The following CSMD2 variants were observed in gnomAD, a reference collection of about 807,000 sequenced individuals.
The protein encoded by CSMD2 is CUB and Sushi multiple domains 2.
In CSMD2, 130 loss-of-function variants were observed where a neutral mutation model predicts 398.5. That is an observed-to-expected ratio of 0.33 (90% CI 0.28 to 0.38). The LOEUF (loss-of-function observed/expected upper bound fraction) is 0.38. Among genes scored for constraint, CSMD2 ranks in the 10% least tolerant of loss-of-function variants. The pLI, the probability that CSMD2 is intolerant of heterozygous loss-of-function variation, is 1.00. For synonymous variants in CSMD2, 1,828 were observed against 1,908.5 expected, an observed-to-expected ratio of 0.96 and a Z score of 1.10; for missense variants, 3,829 against 4,764.9, an observed-to-expected ratio of 0.80 and a Z score of 5.78.
At chr1:33,955,088 C>T (rs751714019) in intron 3 of CSMD2, among the ~76,000 whole-genome samples, 4 of 152,136 alleles carry the variant, frequency 2.6e-5, no homozygotes, top group Non-Finnish European at 4.4e-5. Context: ...GAAGAGAGGA[C>T]GATCCCGAGT....
chr1:33,547,414 A>T (rs1014304441), intron 56 of CSMD2, among the ~76,000 whole-genome samples: 5 of 152,216 alleles, frequency 3.3e-5, no homozygotes, highest in African/African-American at 1.2e-4. Context: ...TAAAGTTACA[A>T]CTATCATGGA....
At chr1:34,025,969 A>C (rs1649597074) in intron 3 of CSMD2, among the ~76,000 whole-genome samples, 1 of 152,182 alleles carries the variant, frequency 6.6e-6, no homozygotes, top group Non-Finnish European at 1.5e-5. Context: ...TATGAAGTTG[A>C]CATATTCCTT....
intron 44 of CSMD2, among the ~76,000 whole-genome samples, chr1:33,589,777 C>A (rs1639307655): frequency 6.6e-6 from 1 of 152,192 alleles, no homozygotes; most frequent in Admixed American, 6.5e-5. Flanking sequence ...GAAAGACTTT[C>A]TTTGCCCCTA....
chr1:33,732,439 C>G (rs1646750613), intron 15 of CSMD2, among the ~76,000 whole-genome samples: 1 of 152,064 alleles, frequency 6.6e-6, no homozygotes, highest in South Asian at 2.1e-4. Context: ...GAGCCCTAGT[C>G]CAGTAGGACT....
chr1:34,076,922 AAAAAAAATATATATATAT>A (rs1487859845), intron 2 of CSMD2, among the ~76,000 whole-genome samples: 1 of 107,182 alleles, frequency 9.3e-6, no homozygotes, highest in African/African-American at 4.3e-5. Context: ...AAAAAAAAAA[AAAAAAAATATATATATAT>A]ATATATATAT....
intron 5 of CSMD2, among the ~76,000 whole-genome samples, chr1:33,874,555 G>A (rs567567223): frequency 2.0e-5 from 3 of 152,312 alleles, no homozygotes; most frequent in African/African-American, 7.2e-5. Flanking sequence ...GGGCCAGAAG[G>A]CCTCCTGGGC....
At chr1:33,807,890 T>A (rs1297047755) in intron 10 of CSMD2, among the ~76,000 whole-genome samples, 1 of 151,978 alleles carries the variant, frequency 6.6e-6, no homozygotes, top group African/African-American at 2.4e-5. Context: ...AAAACACATA[T>A]AAAGCACAAG....
At chr1:33,806,319 G>A (rs558564064) in intron 10 of CSMD2, among the ~76,000 whole-genome samples, 1 of 152,106 alleles carries the variant, frequency 6.6e-6, no homozygotes, top group Non-Finnish European at 1.5e-5. Flanking sequence ...TTTTCACATG[G>A]GTTTGCAGCC....
At chr1:33,524,774 A>C in intron 66 of CSMD2, 108 bp downstream of exon 66, 2 of 1,113,770 alleles carry the variant, frequency 1.8e-6, no homozygotes, top group Non-Finnish European at 2.5e-6. Context: ...ACCACCAGAC[A>C]AGTCTGAGCC....
chr1:34,021,933 T>A (rs918102599), intron 3 of CSMD2, among the ~76,000 whole-genome samples: 5 of 152,204 alleles, frequency 3.3e-5, no homozygotes, highest in African/African-American at 7.2e-5. Flanking sequence ...TTAGGATGTG[T>A]CTTATAGTCA....
chr1:33,846,496 C>T lies in CSMD2; in HGVS notation c.1033+388G>A, dbSNP rs375263031. Among the ~76,000 whole-genome samples the T allele has an allele frequency of 6.6e-5, 10 of 152,326 alleles. No individual in the cohort carries two copies. The East Asian group carries it at 1.9e-3, about 29-fold the overall frequency. Reference sequence around the variant, plus strand: ...GCCTTGGGAAATTGGCTTAACCTCTCTGGGCCTTAGCTTCCTTGTCCATAA... The same window carrying T: ...GCCTTGGGAAATTGGCTTAACCTCTTTGGGCCTTAGCTTCCTTGTCCATAA... On this transcript the variant is annotated intron_variant, in intron 6 of 70. Transcript: ENST00000373381.
chr1:33,651,796 T>C (rs1220303728), intron 28 of CSMD2, among the ~76,000 whole-genome samples: 1 of 152,064 alleles, frequency 6.6e-6, no homozygotes, highest in East Asian at 1.9e-4. Context: ...AGTAGAACCA[T>C]GGAGGCAGAA....
chr1:34,134,652 T>A (rs1244841327), intron 1 of CSMD2, among the ~76,000 whole-genome samples: 1 of 152,124 alleles, frequency 6.6e-6, no homozygotes, highest in Non-Finnish European at 1.5e-5. Context: ...AGGTCCAAAC[T>A]GCAAAAAAGA....
At chr1:33,998,765 A>G (rs1423136957) in intron 3 of CSMD2, among the ~76,000 whole-genome samples, 2 of 152,206 alleles carry the variant, frequency 1.3e-5, no homozygotes, top group Non-Finnish European at 2.9e-5. Context: ...TAATTTCAAG[A>G]GGTCAACAGA....
rs556703773 is a variant in CSMD2 at position 33,695,407 on chromosome 1, G to T, written c.3926-2351C>A. ...AGTCACTGTGGTGGCAGTATGATGGGGTACAGCAGGGGTGAAACTGGAGGC... is the reference window on the plus strand; with the variant it reads ...AGTCACTGTGGTGGCAGTATGATGGTGTACAGCAGGGGTGAAACTGGAGGC... On this transcript the variant is annotated intron_variant, in intron 24 of 70. Transcript: ENST00000373381. Among the ~76,000 whole-genome samples the T allele has an allele frequency of 1.7e-4, 26 of 152,252 alleles. No homozygotes were observed. In the East Asian group the frequency reaches 4.8e-3, roughly 28 times the overall value.
intron 3 of CSMD2, among the ~76,000 whole-genome samples, chr1:33,988,065 A>G (rs1005361709): frequency 1.3e-5 from 2 of 152,198 alleles, no homozygotes; most frequent in East Asian, 1.9e-4. Flanking sequence ...ACTTTTCTTG[A>G]GCTGGCTCCT....
intron 13 of CSMD2, among the ~76,000 whole-genome samples, 161 bp from the exon 14 acceptor site, chr1:33,743,767 G>A (rs1647165839): frequency 1.3e-5 from 2 of 152,314 alleles, no homozygotes; most frequent in Middle Eastern, 3.4e-3. Context: ...TCCAGGTGGG[G>A]AGACATGCTG....
intron 31 of CSMD2, among the ~76,000 whole-genome samples, chr1:33,634,202 T>C (rs1479261140): frequency 6.6e-6 from 1 of 152,176 alleles, no homozygotes; most frequent in Non-Finnish European, 1.5e-5. Flanking sequence ...GGAGTGGGTG[T>C]ACTGATGGCT....
chr1:33,627,597 C>T (rs190926782), intron 32 of CSMD2, among the ~76,000 whole-genome samples: 2 of 152,312 alleles, frequency 1.3e-5, no homozygotes, highest in East Asian at 3.9e-4. Flanking sequence ...CCTGTACTTC[C>T]AGGAAGCTCA....
Sources: gnomAD v4.1 joint callset for allele counts (sites outside exome capture counted in the v4.1 genomes callset) on GRCh38, gnomAD v4.1.1 for gene constraint, MANE v1.5 for transcripts, NCBI Gene and HGNC (gene_info 2026-07-23, HGNC 2026-07-21) for gene names.